The following CRTC1 variants were observed in gnomAD, a reference collection of about 807,000 sequenced individuals.
CRTC1 encodes the protein CREB regulated transcription coactivator 1.
In CRTC1, 18 loss-of-function variants were observed where a neutral mutation model predicts 66.1. The ratio of observed to expected loss-of-function variants is 0.27; its 90% confidence interval spans 0.19 to 0.40. The LOEUF (loss-of-function observed/expected upper bound fraction) is 0.40. CRTC1 is among the 10% of genes least tolerant of loss of function. The pLI is 1.00. For missense variants in CRTC1, 669 were observed against 887.9 expected, an observed-to-expected ratio of 0.75 and a Z score of 3.13; for synonymous variants, 416 against 398.8, an observed-to-expected ratio of 1.04 and a Z score of -0.51.
intron 1 of CRTC1, among the ~76,000 whole-genome samples, chr19:18,720,389 A>G (rs1438848455): frequency 6.7e-6 from 1 of 149,556 alleles, no homozygotes; most frequent in African/African-American, 2.5e-5. Context: ...TCGCTCTGTC[A>G]CCCAGGCTGG....
intron 1 of CRTC1, among the ~76,000 whole-genome samples, chr19:18,708,506 C>T (rs997643395): frequency 2.6e-5 from 4 of 152,114 alleles, no homozygotes; most frequent in African/African-American, 9.7e-5. Flanking sequence ...GAATTGGGCA[C>T]GTTGGCTGGG....
chr19:18,722,160 C>G (rs1327604083), intron 1 of CRTC1, among the ~76,000 whole-genome samples: 1 of 152,240 alleles, frequency 6.6e-6, no homozygotes, highest in Non-Finnish European at 1.5e-5. Context: ...TTGCTGCCAT[C>G]CTGCCATGGG....
chr19:18,749,532 T>C (rs2145759781), intron 4 of CRTC1, among the ~76,000 whole-genome samples: 1 of 152,386 alleles, frequency 6.6e-6, no homozygotes, highest in South Asian at 2.1e-4. Context: ...CCTGTGTCGC[T>C]GGGACCACAG....
intron 5 of CRTC1, among the ~76,000 whole-genome samples, chr19:18,750,474 G>A (rs1033677632): frequency 6.6e-6 from 1 of 152,210 alleles, no homozygotes; most frequent in Admixed American, 6.5e-5. Context: ...ATTTGAAGCC[G>A]GGCGTGGAGG....
At chr19:18,770,386 G>A (rs1359404320) in intron 10 of CRTC1, among the ~76,000 whole-genome samples, 2 of 152,214 alleles carry the variant, frequency 1.3e-5, no homozygotes, top group Non-Finnish European at 2.9e-5. Context: ...TAGTGACTGC[G>A]CCATGCTGGG....
chr19:18,768,902 C>T lies in CRTC1; in HGVS notation c.1320+109C>T. 1 of 1,378,742 alleles carries T rather than the reference C, an allele frequency of 7.3e-7. No homozygotes were observed. Among genetic ancestry groups the T allele is most frequent in the African/African-American group, 1.5e-5 (1 of 66,180 alleles). The allele number at this position is 1,378,742 out of a possible 1,614,324, so 85.4% of individuals were successfully genotyped here. On this transcript the variant is annotated intron_variant, in intron 10 of 13. Transcript: ENST00000321949. The surrounding 1 kb of genome is among the most constrained non-coding windows in gnomAD (Gnocchi z 5.6). ...TGCTGCATGGGCCAGGGGTCAGAAC[C>T]CCAGCGAACGCTGCCTGGGCCCACC... is the stretch of plus-strand genomic sequence containing the variant.
At chr19:18,730,826 G>GC (rs1386787898) in intron 1 of CRTC1, among the ~76,000 whole-genome samples, 1 of 152,156 alleles carries the variant, frequency 6.6e-6, no homozygotes, top group Non-Finnish European at 1.5e-5. Flanking sequence ...GCCACCAGTG[G>GC]CCCCCCTGGC....
chr19:18,695,422 G>A (rs563258819), intron 1 of CRTC1, among the ~76,000 whole-genome samples: 1 of 152,306 alleles, frequency 6.6e-6, no homozygotes, highest in East Asian at 1.9e-4. Context: ...AAAATCCACA[G>A]GTTATTCCGT....
intron 1 of CRTC1, among the ~76,000 whole-genome samples, chr19:18,718,960 A>T (rs11668587): frequency 6.6e-6 from 1 of 152,006 alleles, no homozygotes; most frequent in Admixed American, 6.6e-5. Context: ...GAATAAAGAG[A>T]AGAAAATGAA....
intron 1 of CRTC1, 40 bp from the exon 2 acceptor site, chr19:18,742,870 G>GA: frequency 6.8e-7 from 1 of 1,471,298 alleles, no homozygotes; most frequent in Non-Finnish European, 9.5e-7. Context: ...GTGAGCCTGG[G>GA]AGGTGACCCC....
At position 18,745,909 on chromosome 19, in the gene CRTC1, G is replaced by T. The variant is rs1288887874; in HGVS notation, c.330G>T (p.Arg110=). 13 of 1,613,092 alleles carry T rather than the reference G, an allele frequency of 8.1e-6. No homozygotes were observed. Among genetic ancestry groups the T allele is most frequent in the Non-Finnish European group, 1.1e-5 (13 of 1,179,782 alleles). Residue 110 remains arginine, a synonymous_variant, in exon 3 of 14, where the codon CGG becomes CGT. Coordinates refer to ENST00000321949, the MANE Select transcript of CRTC1 (RefSeq NM_015321.3). Reference sequence around the variant, plus strand: ...ACAGGGTGTACCGGGAGCGTGGCCGGCTCGGCTCCCCACACCGCCGGCCCC... The same window carrying T: ...ACAGGGTGTACCGGGAGCGTGGCCGTCTCGGCTCCCCACACCGCCGGCCCC... The part of the protein sequence containing the change: ...LVDRVYRERG[R]LGSPHRRPLS...
Position 18,760,657 on chromosome 19 carries a change from C to T in CRTC1, c.886+429C>T, listed in dbSNP as rs2054592976. ...TACTTGTCACATCCCAGCACCACCA[C>T]CCCCACCCGTCTCCAGCTCCACACT... On this transcript the variant is annotated intron_variant, in intron 8 of 13. Coordinates refer to ENST00000321949, the MANE Select transcript of CRTC1 (RefSeq NM_015321.3). This position sits in a 1 kb window ranked among gnomAD's most constrained non-coding sequence, Gnocchi z 6.2. 6.6e-6 allele frequency among the ~76,000 whole-genome samples: 1 copy of T among 151,976 alleles called. No individual in the cohort carries two copies. Among genetic ancestry groups the T allele is most frequent in the African/African-American group, 2.4e-5 (1 of 41,344 alleles).
chr19:18,748,744 C>T (rs534961954), intron 4 of CRTC1, among the ~76,000 whole-genome samples: 1 of 149,878 alleles, frequency 6.7e-6, no homozygotes, highest in Non-Finnish European at 1.5e-5. Flanking sequence ...CACACGCACA[C>T]ACACCACACA....
Position 18,778,453 on chromosome 19 carries a change from CA to C in CRTC1, c.*1072del, listed in dbSNP as rs1212604578. On this transcript the variant is annotated 3_prime_UTR_variant, in exon 14 of 14. Transcript: ENST00000321949. ...GGCCATGCGCCCCAAAGCAGCCCGCCACCCACCTGAGTGTAAGAAGTGAGTC... is the reference window on the plus strand; with the variant it reads ...GGCCATGCGCCCCAAAGCAGCCCGCCCCCACCTGAGTGTAAGAAGTGAGTC... 1.2e-4 allele frequency: 29 copies of C among 232,104 alleles called. No individual in the cohort carries two copies. The highest frequency in any genetic ancestry group is 1.9e-4 in the Non-Finnish European group (22 of 117,384). 14.4% of individuals were successfully genotyped at this position (232,104 alleles called of 1,614,324 possible).
chr19:18,717,326 T>G (rs2053531319), intron 1 of CRTC1, among the ~76,000 whole-genome samples: 1 of 151,986 alleles, frequency 6.6e-6, no homozygotes. Flanking sequence ...CAGGACTGGG[T>G]CTGTCTCCTT....
intron 2 of CRTC1, 31 bp downstream of exon 2, chr19:18,743,057 T>C (rs774222165): frequency 2.0e-6 from 3 of 1,538,400 alleles, no homozygotes; most frequent in East Asian, 2.2e-5. Context: ...CCCTGCCCCA[T>C]TGTGGGGAGC....
intron 9 of CRTC1, among the ~76,000 whole-genome samples, chr19:18,765,963 A>G (rs2054724870): frequency 6.6e-6 from 1 of 152,006 alleles, no homozygotes; most frequent in Admixed American, 6.6e-5. Context: ...TCTGTTTCAA[A>G]AAAAAAGAAA....
intron 3 of CRTC1, among the ~76,000 whole-genome samples, chr19:18,746,659 G>A (rs1218573219): frequency 6.6e-6 from 1 of 152,148 alleles, no homozygotes; most frequent in African/African-American, 2.4e-5. Flanking sequence ...CCCAGACTGA[G>A]CCCTTGGGCC....
intron 11 of CRTC1, among the ~76,000 whole-genome samples, chr19:18,773,632 G>A (rs1029922675): frequency 5.9e-5 from 9 of 152,188 alleles, no homozygotes; most frequent in African/African-American, 2.2e-4. Flanking sequence ...AAACCAAGCC[G>A]CAAGCTTGCG....
Sources: gnomAD v4.1 joint callset for allele counts (sites outside exome capture counted in the v4.1 genomes callset) on GRCh38, gnomAD v4.1.1 for gene constraint, Gnocchi (gnomAD v3.1) non-coding constraint, MANE v1.5 for transcripts, NCBI Gene and HGNC (gene_info 2026-07-23, HGNC 2026-07-21) for gene names.